Variants in ENOX2 observed in about 807,000 individuals in gnomAD.
The protein encoded by ENOX2 is APK1 antigen.
Under a neutral mutation model 45.0 loss-of-function variants are expected in ENOX2, and 36 were observed. The observed-to-expected ratio is 0.80, with a 90% CI of 0.61 to 1.06. ENOX2 has a LOEUF of 1.06. Ranked by LOEUF, ENOX2 falls within the 50% of genes least tolerant of loss-of-function variation. The pLI, the probability that ENOX2 is intolerant of heterozygous loss-of-function variation, is 0.00. For synonymous variants in ENOX2, 174 were observed against 152.3 expected (o/e 1.14, Z -1.05); for missense variants, 423 against 462.5 (o/e 0.91, Z 0.78).
At chrX:130,737,363 T>C (rs1216808017) in intron 3 of ENOX2, among the ~76,000 whole-genome samples, 3 of 112,468 alleles carry the variant, frequency 2.7e-5, no homozygotes, top group Non-Finnish European at 5.6e-5. Context: ...GTGCAGTTTC[T>C]TAAAGCAGTT....
intron 3 of ENOX2, among the ~76,000 whole-genome samples, chrX:130,716,499 T>C (rs1361009648): frequency 8.9e-6 from 1 of 111,977 alleles, no homozygotes; most frequent in Admixed American, 9.5e-5. Context: ...TACTTAGTGT[T>C]GTAGCTCAAT....
intron 2 of ENOX2, among the ~76,000 whole-genome samples, chrX:130,853,388 C>T (rs1174730473): frequency 2.0e-5 from 2 of 97,759 alleles, no homozygotes; most frequent in South Asian, 5.4e-4. Context: ...GGCGTGAACC[C>T]GGGAGGCAGA....
intron 2 of ENOX2, among the ~76,000 whole-genome samples, chrX:130,819,223 C>T (rs189500625): frequency 3.3e-3 from 367 of 111,696 alleles, no homozygotes; most frequent in African/African-American, 0.011. Flanking sequence ...AGTCAGGAAA[C>T]GAAAGATGCT....
intron 2 of ENOX2, among the ~76,000 whole-genome samples, chrX:130,816,071 G>C (rs191184189): frequency 2.7e-5 from 3 of 111,032 alleles, no homozygotes; most frequent in African/African-American, 9.8e-5. Context: ...CAAATGGAAA[G>C]CAAAACAAAA....
At chrX:130,834,948 C>A (rs1255282180) in intron 2 of ENOX2, among the ~76,000 whole-genome samples, 2 of 111,404 alleles carry the variant, frequency 1.8e-5, no homozygotes, top group African/African-American at 6.5e-5. Context: ...GTCTCCTCCA[C>A]CATAGAGAAA....
chrX:130,769,738 A>G (rs1310660127), intron 3 of ENOX2, among the ~76,000 whole-genome samples: 1 of 111,812 alleles, frequency 8.9e-6, no homozygotes, highest in Non-Finnish European at 1.9e-5. Context: ...CATCCAATAC[A>G]TGTTTGCCGA....
At chrX:130,798,333 T>C (rs1398029018) in intron 2 of ENOX2, among the ~76,000 whole-genome samples, 1 of 112,735 alleles carries the variant, frequency 8.9e-6, no homozygotes, top group East Asian at 2.8e-4. Flanking sequence ...AGAAACACAG[T>C]TCTAAATAGT....
chrX:130,832,872 T>C (rs970511508), intron 2 of ENOX2, among the ~76,000 whole-genome samples: 6 of 111,088 alleles, frequency 5.4e-5, no homozygotes, highest in African/African-American at 2.0e-4. Flanking sequence ...TTGGTTATGC[T>C]CAAATGCTTT....
At chrX:130,667,168 A>G (rs1043951101) in intron 8 of ENOX2, among the ~76,000 whole-genome samples, 3 of 112,363 alleles carry the variant, frequency 2.7e-5, no homozygotes, top group African/African-American at 9.7e-5. Flanking sequence ...CATGATGATA[A>G]TTATACAAAT....
chrX:130,782,374 G>A (rs1264861851), intron 3 of ENOX2, among the ~76,000 whole-genome samples: 1 of 111,190 alleles, frequency 9.0e-6, no homozygotes, highest in Non-Finnish European at 1.9e-5. Flanking sequence ...GAGAGGTTAA[G>A]CAAATAACTC....
chrX:130,885,334 T>G (rs1177151395), intron 2 of ENOX2, among the ~76,000 whole-genome samples: 2 of 111,155 alleles, frequency 1.8e-5, no homozygotes, highest in African/African-American at 6.5e-5. Context: ...TAGGCTGCAC[T>G]TAGATGGAGA....
rs943073044 is a variant in ENOX2 at position 130,683,465 on chromosome X, A to G, written c.254-3717T>C. ...TCTCTTTATAGCATTCAGCCCTGAG[A>G]GTCTTCCCATTTTGATATGGTAAAA... is the stretch of plus-strand genomic sequence containing the variant. On this transcript the variant is annotated intron_variant, in intron 5 of 14. Coordinates refer to ENST00000394363, the MANE Select transcript of ENOX2 (RefSeq NM_006375.4). Among the ~76,000 whole-genome samples, 40 of 111,913 alleles carry G rather than the reference A, an allele frequency of 3.6e-4. No individual in the cohort carries two copies. In the Admixed American group the frequency reaches 3.6e-3, roughly 10 times the overall value.
chrX:130,857,471 G>A (rs2148528975), intron 2 of ENOX2, among the ~76,000 whole-genome samples: 1 of 112,466 alleles, frequency 8.9e-6, no homozygotes, highest in African/African-American at 3.2e-5. Flanking sequence ...AGGGTTCTAA[G>A]GGCTGTGAGG....
At position 130,840,526 on chromosome X, in the gene ENOX2, TAAATAA is replaced by T. The variant is rs1330699972; in HGVS notation, c.-182-56842_-182-56837del. Among the ~76,000 whole-genome samples the T allele has an allele frequency of 8.0e-4, 79 of 99,207 alleles. 1 individual carries two copies. Among genetic ancestry groups the T allele is most frequent in the African/African-American group, 2.8e-3 (75 of 26,360 alleles). The allele number at this position is 99,207 out of a possible 115,157, so 86.1% of individuals were successfully genotyped here. ...ACAAGATTTTCTCTCTTTTAAAAAA[TAAATAA>T]ATAAATAAATAAATAAATAAATAAA... is the stretch of plus-strand genomic sequence containing the variant. On this transcript the variant is annotated intron_variant, in intron 2 of 14. Coordinates refer to ENST00000394363, the MANE Select transcript of ENOX2 (RefSeq NM_006375.4).
chrX:130,880,187 G>A (rs1341127585), intron 2 of ENOX2, among the ~76,000 whole-genome samples: 1 of 111,751 alleles, frequency 8.9e-6, no homozygotes, highest in Non-Finnish European at 1.9e-5. Context: ...AATGGAAAGA[G>A]AAAGAAGGGA....
chrX:130,806,430 C>A (rs1022600781), intron 2 of ENOX2, among the ~76,000 whole-genome samples: 1 of 112,118 alleles, frequency 8.9e-6, no homozygotes, highest in Admixed American at 9.4e-5. Context: ...TCCATAAATT[C>A]TTGCACAAAA....
chrX:130,768,215 A>G (rs1400521590), intron 3 of ENOX2, among the ~76,000 whole-genome samples: 1 of 112,008 alleles, frequency 8.9e-6, no homozygotes, highest in Non-Finnish European at 1.9e-5. Context: ...GTCTGAAGAC[A>G]CAAAATCAAG....
At chrX:130,756,731 A>C (rs1178081338) in intron 3 of ENOX2, among the ~76,000 whole-genome samples, 1 of 112,159 alleles carries the variant, frequency 8.9e-6, no homozygotes, top group Non-Finnish European at 1.9e-5. Context: ...CAATAAATAT[A>C]ATCTCTTGCC....
At chrX:130,857,716 T>C (rs1029869847) in intron 2 of ENOX2, among the ~76,000 whole-genome samples, 8 of 111,341 alleles carry the variant, frequency 7.2e-5, no homozygotes, top group Admixed American at 6.7e-4. Context: ...AGATAGAGGA[T>C]GGTTTCATGG....
Sources: allele counts gnomAD v4.1 joint callset (sites outside exome capture counted in the v4.1 genomes callset), GRCh38; gene constraint gnomAD v4.1.1; transcripts MANE v1.5; gene names NCBI Gene and HGNC (gene_info 2026-07-23, HGNC 2026-07-21).